Variants in PKHD1 observed in about 807,000 individuals in gnomAD.
PKHD1 encodes the protein PKHD1 ciliary IPT domain containing fibrocystin/polyductin.
PKHD1 carries 291 observed loss-of-function variants against 412.0 expected under a neutral mutation model. That is an observed-to-expected ratio of 0.71 (90% CI 0.64 to 0.78). PKHD1 has a LOEUF of 0.78. PKHD1 is among the 30% of genes least tolerant of loss of function. The pLI is 0.00. For missense variants in PKHD1, 4,825 were observed against 4,950.7 expected, an observed-to-expected ratio of 0.97 and a Z score of 0.76; for synonymous variants, 1,777 against 1,821.5, an observed-to-expected ratio of 0.98 and a Z score of 0.62.
chr6:51,634,026 A>G (rs1225928675), intron 64 of PKHD1, among the ~76,000 whole-genome samples: 2 of 152,052 alleles, frequency 1.3e-5, no homozygotes, highest in South Asian at 2.1e-4. Context: ...TATGCTTATC[A>G]TGTGTCAATC....
intron 5 of PKHD1, 65 bp downstream of exon 5, chr6:52,079,835 C>T: frequency 1.1e-6 from 1 of 948,192 alleles, no homozygotes; most frequent in East Asian, 2.4e-5. Flanking sequence ...TACAATTTGC[C>T]TTTCAATAAC....
intron 66 of PKHD1, among the ~76,000 whole-genome samples, chr6:51,624,440 C>A (rs1299620852): frequency 6.6e-6 from 1 of 152,152 alleles, no homozygotes; most frequent in Non-Finnish European, 1.5e-5. Flanking sequence ...CCAGATGAAG[C>A]TATCTCTGTC....
chr6:51,777,686 A>G (rs1266702751), intron 53 of PKHD1, among the ~76,000 whole-genome samples: 206 of 18,840 alleles, frequency 0.011, 2 homozygotes, highest in African/African-American at 0.038. Flanking sequence ...TGGGAAAAAA[A>G]AAAAAAAAAA....
intron 36 of PKHD1, among the ~76,000 whole-genome samples, chr6:51,948,736 G>A (rs1789855030): frequency 6.6e-6 from 1 of 152,128 alleles, no homozygotes; most frequent in Non-Finnish European, 1.5e-5. Flanking sequence ...CAGAAGAAAG[G>A]TAAGGTGGGT....
At chr6:51,640,547 T>C (rs527596120) in intron 63 of PKHD1, among the ~76,000 whole-genome samples, 1 of 152,284 alleles carries the variant, frequency 6.6e-6, no homozygotes, top group South Asian at 2.1e-4. Flanking sequence ...CATGCTGGTA[T>C]AAACAGTATA....
At chr6:51,973,169 T>A (rs993696675) in intron 35 of PKHD1, among the ~76,000 whole-genome samples, 19 of 152,176 alleles carry the variant, frequency 1.2e-4, no homozygotes, top group Admixed American at 7.2e-4. Context: ...CTGGGTTTTT[T>A]AAAAAATATA....
At chr6:51,864,122 T>G (rs183333740) in intron 48 of PKHD1, among the ~76,000 whole-genome samples, 2 of 152,246 alleles carry the variant, frequency 1.3e-5, no homozygotes, top group Admixed American at 1.3e-4. Flanking sequence ...TCATGGAAGC[T>G]GAACATTATG....
intron 60 of PKHD1, among the ~76,000 whole-genome samples, chr6:51,685,595 C>G (rs1262061556): frequency 6.6e-6 from 1 of 152,140 alleles, no homozygotes; most frequent in Non-Finnish European, 1.5e-5. Flanking sequence ...TTCGTTATCT[C>G]ACCATCCAGA....
chr6:51,994,132 T>C (rs1010754270), intron 35 of PKHD1, among the ~76,000 whole-genome samples: 17 of 122,864 alleles, frequency 1.4e-4, no homozygotes, highest in African/African-American at 2.6e-4. Context: ...AACACTTTTT[T>C]TCTTTCTTTT....
chr6:51,840,842 C>A (rs1770058965), intron 50 of PKHD1, among the ~76,000 whole-genome samples: 1 of 152,104 alleles, frequency 6.6e-6, no homozygotes, highest in Non-Finnish European at 1.5e-5. Flanking sequence ...AAATCATATT[C>A]CCAAGATGTT....
At chr6:51,801,264 T>C (rs1489569881) in intron 52 of PKHD1, among the ~76,000 whole-genome samples, 1 of 152,178 alleles carries the variant, frequency 6.6e-6, no homozygotes, top group Non-Finnish European at 1.5e-5. Context: ...GAAACTCTTA[T>C]ACATAAATAG....
chr6:52,066,836 G>A (rs1338945046), intron 11 of PKHD1, among the ~76,000 whole-genome samples: 3 of 152,078 alleles, frequency 2.0e-5, no homozygotes, highest in Non-Finnish European at 4.4e-5. Context: ...GGAGGCGGAG[G>A]TTGCACTGAG....
At chr6:51,788,748 T>C (rs1032666462) in intron 53 of PKHD1, among the ~76,000 whole-genome samples, 4 of 147,670 alleles carry the variant, frequency 2.7e-5, no homozygotes, top group Non-Finnish European at 5.9e-5. Context: ...ATCATTTCTT[T>C]ATTTAAATCC....
chr6:51,919,399 T>C (rs1008783476), intron 37 of PKHD1, among the ~76,000 whole-genome samples: 1 of 152,214 alleles, frequency 6.6e-6, no homozygotes, highest in African/African-American at 2.4e-5. Context: ...CTTTCCCCAT[T>C]GCTTGTTTCT....
chr6:51,823,858 T>C (rs1042067370), intron 52 of PKHD1, among the ~76,000 whole-genome samples: 1 of 152,146 alleles, frequency 6.6e-6, no homozygotes, highest in African/African-American at 2.4e-5. Context: ...TTTGGGAGCA[T>C]CCGTTTGAAT....
At chr6:51,784,145 A>T (rs1202213436) in intron 53 of PKHD1, among the ~76,000 whole-genome samples, 1 of 152,214 alleles carries the variant, frequency 6.6e-6, no homozygotes, top group African/African-American at 2.4e-5. Flanking sequence ...TATTCATATC[A>T]TTACCGAATG....
At chr6:52,058,801 C>CTATT (rs1808216921) in intron 15 of PKHD1, among the ~76,000 whole-genome samples, 200 bp from the exon 16 acceptor site, 1 of 150,776 alleles carries the variant, frequency 6.6e-6, no homozygotes, top group Non-Finnish European at 1.5e-5. Flanking sequence ...ATCTATCTAT[C>CTATT]TATCTATCTC....
At chr6:51,894,189 G>A (rs975843724) in intron 43 of PKHD1, among the ~76,000 whole-genome samples, 13 of 152,210 alleles carry the variant, frequency 8.5e-5, no homozygotes, top group African/African-American at 3.1e-4. Flanking sequence ...CAGCCTGAGG[G>A]TGAAGCGCTC....
intron 52 of PKHD1, among the ~76,000 whole-genome samples, chr6:51,793,400 G>T (rs1582724157): frequency 1.3e-5 from 2 of 152,074 alleles, no homozygotes; most frequent in Admixed American, 1.3e-4. Context: ...AGGATATGCA[G>T]GTTTGTTAAC....
Sources: allele counts gnomAD v4.1 joint callset (sites outside exome capture counted in the v4.1 genomes callset), GRCh38; gene constraint gnomAD v4.1.1; transcripts MANE v1.5; gene names NCBI Gene and HGNC (gene_info 2026-07-23, HGNC 2026-07-21).